ATXN2: variants seen among roughly 807,000 people sequenced by gnomAD.
ATXN2 encodes ataxin 2, also known as ataxin-2.
In ATXN2, 37 loss-of-function variants were observed where a neutral mutation model predicts 138.6. That is an observed-to-expected ratio of 0.27 (90% CI 0.21 to 0.35). The LOEUF is 0.35. Ranked by LOEUF, ATXN2 falls within the 10% of genes least tolerant of loss-of-function variation. ATXN2 has a pLI of 1.00. For synonymous variants in ATXN2, 549 were observed against 543.7 expected (o/e 1.01, Z -0.13); for missense variants, 1,216 against 1,480.3 (o/e 0.82, Z 2.93).
intron 18 of ATXN2, among the ~76,000 whole-genome samples, chr12:111,481,204 G>A (rs987220947): frequency 6.6e-6 from 1 of 152,198 alleles, no homozygotes; most frequent in Admixed American, 6.5e-5. Context: ...CAGCTACTCT[G>A]GAGGCTGACG....
At chr12:111,577,566 G>A (rs113447422) in intron 1 of ATXN2, among the ~76,000 whole-genome samples, 5 of 151,704 alleles carry the variant, frequency 3.3e-5, no homozygotes, top group African/African-American at 9.6e-5. Flanking sequence ...GGCCCGGCCC[G>A]CATGTTTCAA....
At chr12:111,581,489 C>A in intron 1 of ATXN2, 2 of 993,340 alleles carry the variant, frequency 2.0e-6, no homozygotes, top group South Asian at 2.5e-5. Context: ...ACCCCACAAC[C>A]CTGCTCCCCC....
At chr12:111,549,341 C>G (rs1882000040) in intron 5 of ATXN2, among the ~76,000 whole-genome samples, 1 of 151,692 alleles carries the variant, frequency 6.6e-6, no homozygotes. Context: ...GCCTGGCCAA[C>G]ATGGTGAAAC....
chr12:111,559,750 G>T (rs1326899912), intron 1 of ATXN2, among the ~76,000 whole-genome samples: 1 of 147,034 alleles, frequency 6.8e-6, no homozygotes, highest in Non-Finnish European at 1.5e-5. Context: ...TCCAGCCTGG[G>T]CGACAGAGCA....
At chr12:111,482,494 C>CT (rs1199201160) in intron 18 of ATXN2, among the ~76,000 whole-genome samples, 1 of 151,978 alleles carries the variant, frequency 6.6e-6, no homozygotes, top group Non-Finnish European at 1.5e-5. Flanking sequence ...TGCCCAGACT[C>CT]TGAGTATATC....
chr12:111,465,541 G>A lies in ATXN2; in HGVS notation c.2843-826C>T, dbSNP rs150151268. On this transcript the variant is annotated intron_variant, in intron 20 of 24. Transcript: ENST00000673436. ...AATCCCAGCACTTTGGGAGGCCTAG[G>A]CAGACAAATCACAAGGTCAGAAGTT... is the stretch of plus-strand genomic sequence containing the variant. Among the ~76,000 whole-genome samples the A allele has an allele frequency of 2.6e-3, 402 of 151,896 alleles. 6 individuals are homozygous for A. Among genetic ancestry groups the A allele is most frequent in the African/African-American group, 9.5e-3 (392 of 41,452 alleles).
chr12:111,462,975 TATACAC>T (rs1051212104), intron 21 of ATXN2, among the ~76,000 whole-genome samples: 3 of 145,684 alleles, frequency 2.1e-5, no homozygotes, highest in Non-Finnish European at 3.0e-5. Context: ...TATATATATA[TATACAC>T]ACACACACAC....
chr12:111,578,480 C>G (rs1285205085), intron 1 of ATXN2, among the ~76,000 whole-genome samples: 1 of 152,154 alleles, frequency 6.6e-6, no homozygotes. Flanking sequence ...CAACAGTGTT[C>G]AGTACCGCAA....
chr12:111,522,091 G>A (rs1252974311), intron 6 of ATXN2, among the ~76,000 whole-genome samples: 1 of 151,982 alleles, frequency 6.6e-6, no homozygotes, highest in Non-Finnish European at 1.5e-5. Flanking sequence ...TATTAACCTT[G>A]GGTCCTCCTG....
intron 1 of ATXN2, among the ~76,000 whole-genome samples, chr12:111,584,507 T>C (rs1884213552): frequency 6.7e-6 from 1 of 150,178 alleles, no homozygotes; most frequent in South Asian, 2.1e-4. Flanking sequence ...TACAATGCGG[T>C]ATATATACAT....
Position 111,598,634 on chromosome 12 carries a change from G to C in ATXN2, c.251+150C>G. On this transcript the variant is annotated intron_variant, in intron 1 of 24. Coordinates refer to ENST00000673436, the MANE Select transcript of ATXN2 (RefSeq NM_001372574.1). This position sits in a 1 kb window ranked among gnomAD's most constrained non-coding sequence, Gnocchi z 4.5. ...GGCTGCGCCCACCGGCCGAGCCTCG[G>C]GGCTCAGGCCCGAGCGAGTCTCCCC... The C allele has an allele frequency of 1.1e-6, 1 of 938,094 alleles. No homozygotes were observed. Among genetic ancestry groups the C allele is most frequent in the Non-Finnish European group, 1.3e-6 (1 of 784,654 alleles). 58.1% of individuals were successfully genotyped at this position (938,094 alleles called of 1,614,324 possible).
chr12:111,584,355 C>T (rs1476596995), intron 1 of ATXN2, among the ~76,000 whole-genome samples: 1 of 111,284 alleles, frequency 9.0e-6, no homozygotes, highest in Non-Finnish European at 1.7e-5. Context: ...ACATTCTAGC[C>T]TTGGTGACAG....
chr12:111,499,674 A>AAAAAC (rs1247741039), intron 14 of ATXN2, among the ~76,000 whole-genome samples: 4 of 152,022 alleles, frequency 2.6e-5, no homozygotes, highest in Non-Finnish European at 5.9e-5. Flanking sequence ...ACTCTGTCTC[A>AAAAAC]AAAACAAAAC....
chr12:111,592,133 T>C (rs1884698992), intron 1 of ATXN2, among the ~76,000 whole-genome samples: 1 of 150,090 alleles, frequency 6.7e-6, no homozygotes, highest in South Asian at 2.1e-4. Context: ...CTCACGCCTG[T>C]AATCCCAGCA....
At chr12:111,468,568 T>C (rs1159962107) in intron 20 of ATXN2, 2 of 152,300 alleles carry the variant, frequency 1.3e-5, no homozygotes, top group African/African-American at 4.8e-5. Flanking sequence ...GGAAGGATGA[T>C]TGCTGCTGCC....
rs981770362 is a variant in ATXN2 at position 111,597,019 on chromosome 12, AT to A, written c.251+1764del. On this transcript the variant is annotated intron_variant, in intron 1 of 24. Transcript: ENST00000673436. ...ATACATCCTTTTCTATAAAAGTTGT[AT>A]TTTAAATTTTTTCATTTTTCGCTAG... is the stretch of plus-strand genomic sequence containing the variant. Among the ~76,000 whole-genome samples the A allele has an allele frequency of 8.7e-4, 133 of 152,172 alleles. 1 individual carries two copies. Among genetic ancestry groups the A allele is most frequent in the Admixed American group, 5.9e-4 (9 of 15,266 alleles).
chr12:111,480,024 CAAAAAAAA>C (rs1049842391), intron 18 of ATXN2, among the ~76,000 whole-genome samples: 3 of 96,508 alleles, frequency 3.1e-5, no homozygotes, highest in African/African-American at 1.2e-4. Context: ...AAAACCTAAT[CAAAAAAAA>C]AAAAAGAAAA....
intron 1 of ATXN2, chr12:111,581,635 C>T: frequency 1.3e-6 from 1 of 768,790 alleles, no homozygotes; most frequent in Non-Finnish European, 2.4e-6. Flanking sequence ...AGTCTAGGGA[C>T]AAGAAGATGG....
intron 1 of ATXN2, among the ~76,000 whole-genome samples, chr12:111,596,420 G>A (rs558143436): frequency 5.3e-5 from 8 of 152,010 alleles, no homozygotes; most frequent in Non-Finnish European, 1.0e-4. Flanking sequence ...TCTTAAAGCA[G>A]ATGTGAATTT....
Sources: gnomAD v4.1 joint callset for allele counts (sites outside exome capture counted in the v4.1 genomes callset) on GRCh38, gnomAD v4.1.1 for gene constraint, Gnocchi (gnomAD v3.1) non-coding constraint, MANE v1.5 for transcripts, NCBI Gene and HGNC (gene_info 2026-07-23, HGNC 2026-07-21) for gene names.